The following ARHGAP28 variants were observed in gnomAD, a reference collection of about 807,000 sequenced individuals.
ARHGAP28 encodes Rho GTPase activating protein 28, also known as rho GTPase-activating protein 28.
ARHGAP28 carries 56 observed loss-of-function variants against 90.7 expected under a neutral mutation model. The ratio of observed to expected loss-of-function variants is 0.62; its 90% CI spans 0.50 to 0.77. ARHGAP28 has a LOEUF of 0.77. ARHGAP28 is among the 30% of genes least tolerant of loss of function. The pLI is 0.00. For missense variants in ARHGAP28, 869 were observed against 900.9 expected (o/e 0.96, Z 0.45); for synonymous variants, 308 against 323.3 (o/e 0.95, Z 0.51).
chr18:6,823,630 A>G (rs2056641041), intron 1 of ARHGAP28, among the ~76,000 whole-genome samples: 1 of 149,280 alleles, frequency 6.7e-6, no homozygotes. Flanking sequence ...TGGCTTTAAG[A>G]ACATTTTATT....
At chr18:6,877,731 C>A (rs2057143012) in intron 10 of ARHGAP28, among the ~76,000 whole-genome samples, 2 of 152,130 alleles carry the variant, frequency 1.3e-5, no homozygotes, top group South Asian at 4.1e-4. Flanking sequence ...TTTCTGTCTC[C>A]GTTTCTCGTG....
At chr18:6,909,456 A>T (rs183489803) in intron 17 of ARHGAP28, among the ~76,000 whole-genome samples, 319 of 151,420 alleles carry the variant, frequency 2.1e-3, no homozygotes, top group African/African-American at 7.2e-3. Context: ...CCACGCCCAG[A>T]CAATTTTTAT....
At chr18:6,839,580 A>G (rs971900075) in intron 3 of ARHGAP28, among the ~76,000 whole-genome samples, 2 of 152,178 alleles carry the variant, frequency 1.3e-5, no homozygotes, top group African/African-American at 4.8e-5. Flanking sequence ...TACAGGCGTG[A>G]GCCACTGCGC....
chr18:6,820,414 A>T (rs1024648212), intron 1 of ARHGAP28, among the ~76,000 whole-genome samples: 18 of 152,220 alleles, frequency 1.2e-4, no homozygotes, highest in African/African-American at 4.3e-4. Flanking sequence ...TATGAAGAAC[A>T]TTTGGGGCAA....
At chr18:6,765,234 A>G (rs542227129) in intron 1 of ARHGAP28, among the ~76,000 whole-genome samples, 4 of 152,260 alleles carry the variant, frequency 2.6e-5, no homozygotes, top group African/African-American at 9.6e-5. Context: ...TTCTTCCTTA[A>G]TGTTTGATAG....
chr18:6,781,327 T>C (rs1036626363), intron 1 of ARHGAP28, among the ~76,000 whole-genome samples: 2 of 152,070 alleles, frequency 1.3e-5, no homozygotes, highest in African/African-American at 4.8e-5. Context: ...CTGATATGAG[T>C]TGAGCCTTCG....
At chr18:6,835,863 A>T (rs1306127003) in intron 2 of ARHGAP28, among the ~76,000 whole-genome samples, 4 of 151,780 alleles carry the variant, frequency 2.6e-5, no homozygotes, top group African/African-American at 9.7e-5. Context: ...ACATTGATTT[A>T]AAAAAAAATC....
chr18:6,808,587 T>A (rs1413188032), intron 1 of ARHGAP28, among the ~76,000 whole-genome samples: 1 of 152,212 alleles, frequency 6.6e-6, no homozygotes, highest in Non-Finnish European at 1.5e-5. Context: ...TGGATATTTT[T>A]TCGGGGGTTA....
chr18:6,859,094 AC>A (rs61095772), intron 4 of ARHGAP28, among the ~76,000 whole-genome samples: 8 of 151,720 alleles, frequency 5.3e-5, no homozygotes, highest in African/African-American at 1.2e-4. Flanking sequence ...AACAACAACA[AC>A]AAAAAACAAA....
At chr18:6,784,491 T>C (rs1307103285) in intron 1 of ARHGAP28, among the ~76,000 whole-genome samples, 1 of 152,158 alleles carries the variant, frequency 6.6e-6, no homozygotes, top group Admixed American at 6.5e-5. Flanking sequence ...TACCCTCCAC[T>C]ACAGAGCAAA....
intron 1 of ARHGAP28, among the ~76,000 whole-genome samples, chr18:6,780,894 CAAAA>C (rs56272373): frequency 9.8e-6 from 1 of 102,454 alleles, no homozygotes. Context: ...ACTCCGTCTC[CAAAA>C]AAAAAAAAAA....
At chr18:6,788,321 T>A (rs1426496414) in intron 1 of ARHGAP28, among the ~76,000 whole-genome samples, 1 of 152,130 alleles carries the variant, frequency 6.6e-6, no homozygotes, top group Non-Finnish European at 1.5e-5. Context: ...TCCTGAGGCC[T>A]CCCCAGAAGC....
At chr18:6,813,611 T>C (rs2056571548) in intron 1 of ARHGAP28, among the ~76,000 whole-genome samples, 1 of 152,106 alleles carries the variant, frequency 6.6e-6, no homozygotes, top group South Asian at 2.1e-4. Flanking sequence ...AGAAATACAT[T>C]AAGGGGACAA....
At chr18:6,815,176 C>T (rs936715139) in intron 1 of ARHGAP28, among the ~76,000 whole-genome samples, 3 of 152,168 alleles carry the variant, frequency 2.0e-5, no homozygotes. Context: ...TAACATAAAA[C>T]GTTCACATTT....
At position 6,812,608 on chromosome 18, in the gene ARHGAP28, C is replaced by T. The variant is rs569683174; in HGVS notation, c.123-12154C>T. On this transcript the variant is annotated intron_variant, in intron 1 of 17. Transcript: ENST00000383472. The stretch of plus-strand genomic sequence containing the variant: ...TTACTCTCCATCCCCATGGCATCAG[C>T]TATTGATCAGAGACATATAGCTTTT... 3.9e-5 allele frequency among the ~76,000 whole-genome samples: 5 copies of T among 129,658 alleles called. No homozygotes were observed. The East Asian group carries it at 9.6e-4, about 25-fold the overall frequency. The allele number at this position is 129,658 out of a possible 152,430, so 85.1% of individuals were successfully genotyped here.
chr18:6,782,984 T>C (rs546099399), intron 1 of ARHGAP28, among the ~76,000 whole-genome samples: 5 of 152,250 alleles, frequency 3.3e-5, no homozygotes, highest in Admixed American at 2.6e-4. Context: ...TTGGGCCATG[T>C]GCTCCTGAGA....
At chr18:6,822,974 T>C (rs1217564538) in intron 1 of ARHGAP28, among the ~76,000 whole-genome samples, 1 of 152,234 alleles carries the variant, frequency 6.6e-6, no homozygotes, top group African/African-American at 2.4e-5. Context: ...CATGTCAACA[T>C]GTAATTGTCC....
intron 9 of ARHGAP28, 100 bp downstream of exon 9, chr18:6,873,875 A>G (rs767422184): frequency 1.9e-6 from 2 of 1,030,090 alleles, no homozygotes; most frequent in Non-Finnish European, 2.9e-6. Flanking sequence ...ATTTAAAGAC[A>G]CTATCGCCCT....
intron 3 of ARHGAP28, among the ~76,000 whole-genome samples, chr18:6,846,983 G>T (rs1567968716): frequency 6.6e-6 from 1 of 152,148 alleles, no homozygotes; most frequent in South Asian, 2.1e-4. Flanking sequence ...TTGGGAACAG[G>T]GTGAGCAAGT....
Sources: gnomAD v4.1 joint callset for allele counts (sites outside exome capture counted in the v4.1 genomes callset) on GRCh38, gnomAD v4.1.1 for gene constraint, MANE v1.5 for transcripts, NCBI Gene and HGNC (gene_info 2026-07-23, HGNC 2026-07-21) for gene names.